STK33: variants seen among roughly 807,000 people sequenced by gnomAD.
STK33 encodes the protein serine/threonine-protein kinase 33.
In STK33, 52 loss-of-function variants were observed where a neutral mutation model predicts 58.0. The observed-to-expected ratio is 0.90, with a 90% CI of 0.72 to 1.13. The LOEUF is 1.13. STK33 is among the 50% of genes most tolerant of loss of function. The probability of loss-of-function intolerance (pLI) is 0.00; values close to 1 mark genes in which losing one functional copy is unlikely to be tolerated. For missense variants in STK33, 630 were observed against 604.2 expected (o/e 1.04, Z -0.45); for synonymous variants, 215 against 200.1 (o/e 1.07, Z -0.63).
At chr11:8,553,015 G>A (rs111836942) in intron 1 of STK33, among the ~76,000 whole-genome samples, 5,641 of 150,576 alleles carry the variant, frequency 0.037, 189 homozygotes, top group Admixed American at 0.069. Context: ...AAATTAGCCA[G>A]GCATGTGGCA....
At chr11:8,366,745 T>C in the STK33 span, among the ~76,000 whole-genome samples, 2 of 152,246 alleles carry the variant, frequency 1.3e-5, no homozygotes, top group Non-Finnish European at 2.9e-5. Flanking sequence ...GGGGTGGCCA[T>C]ACATCTGCCA....
intron 1 of STK33, among the ~76,000 whole-genome samples, chr11:8,502,236 T>C (rs10840064): frequency 0.059 from 8,972 of 152,204 alleles, 483 homozygotes; most frequent in African/African-American, 0.15. Context: ...AACTTCAAAC[T>C]ATACTACGGG....
intron 14 of STK33, among the ~76,000 whole-genome samples, chr11:8,415,306 T>C (rs1008989307): frequency 1.3e-5 from 2 of 152,140 alleles, no homozygotes; most frequent in African/African-American, 2.4e-5. Flanking sequence ...TGGTCACTAA[T>C]GCTACTCGCC....
intron 6 of STK33, among the ~76,000 whole-genome samples, chr11:8,467,832 C>A (rs902009312): frequency 2.6e-5 from 4 of 152,060 alleles, no homozygotes; most frequent in African/African-American, 9.7e-5. Flanking sequence ...ATAATCCCAG[C>A]TACTTGGGAG....
intron 15 of STK33, among the ~76,000 whole-genome samples, chr11:8,398,337 C>A (rs1260590176): frequency 6.6e-6 from 1 of 152,114 alleles, no homozygotes; most frequent in Non-Finnish European, 1.5e-5. Flanking sequence ...ATTTTCAACC[C>A]ACAATTTCAT....
At chr11:8,444,249 T>G (rs2136534231) in intron 11 of STK33, among the ~76,000 whole-genome samples, 1 of 152,276 alleles carries the variant, frequency 6.6e-6, no homozygotes, top group African/African-American at 2.4e-5. Flanking sequence ...TGCTAGACAC[T>G]GCTAAGCACT....
intron 1 of STK33, among the ~76,000 whole-genome samples, chr11:8,497,928 C>T (rs1401304413): frequency 6.6e-6 from 1 of 152,002 alleles, no homozygotes; most frequent in Non-Finnish European, 1.5e-5. Flanking sequence ...TTTTGTAGAC[C>T]AATTTCCCTT....
At position 8,591,691 on chromosome 11, in the gene STK33, T is replaced by G. The variant is rs372318022; in HGVS notation, c.-466+2392A>C. Among the ~76,000 whole-genome samples, 43 of 152,206 alleles carry G rather than the reference T, an allele frequency of 2.8e-4. No individual in the cohort carries two copies. The South Asian group carries it at 7.3e-3, about 26-fold the overall frequency. On this transcript the variant is annotated intron_variant, in intron 1 of 15. Coordinates refer to ENST00000687296, the MANE Select transcript of STK33 (RefSeq NM_001352389.2). ...TTTGAAAATTACCTTTGTAGGGACA[T>G]GGATGAAACTGGAAACCATCATTCT...
At chr11:8,493,812 TA>T (rs1950833652) in intron 1 of STK33, among the ~76,000 whole-genome samples, 1 of 152,178 alleles carries the variant, frequency 6.6e-6, no homozygotes, top group South Asian at 2.1e-4. Flanking sequence ...TCACTATATG[TA>T]ATCCATCACA....
intron 1 of STK33, among the ~76,000 whole-genome samples, chr11:8,484,468 C>G (rs115896224): frequency 3.9e-5 from 6 of 152,114 alleles, no homozygotes; most frequent in Admixed American, 2.6e-4. Context: ...TACAACCCTA[C>G]GGGAGCTTGC....
chr11:8,419,028 C>G (rs896557698), intron 14 of STK33, among the ~76,000 whole-genome samples: 1 of 151,984 alleles, frequency 6.6e-6, no homozygotes, highest in African/African-American at 2.4e-5. Flanking sequence ...TATTTTCTCC[C>G]ATTCTGTGGG....
chr11:8,452,194 C>T (rs953407712), intron 11 of STK33, among the ~76,000 whole-genome samples: 2 of 151,668 alleles, frequency 1.3e-5, no homozygotes, highest in Non-Finnish European at 2.9e-5. Context: ...CAGAGCAAGA[C>T]TCCGTTTCGA....
At position 8,421,539 on chromosome 11, in the gene STK33, G is replaced by A. The variant is rs141319334; in HGVS notation, c.1147-7847C>T. ...CATAGCTTTATAAGTCTTAATATCCGGTAGAGCAAGACATTCAGAAATTTC... is the reference window on the plus strand; with the variant it reads ...CATAGCTTTATAAGTCTTAATATCCAGTAGAGCAAGACATTCAGAAATTTC... On this transcript the variant is annotated intron_variant, in intron 14 of 15. Transcript: ENST00000687296. Among the ~76,000 whole-genome samples the A allele has an allele frequency of 4.2e-3, 637 of 152,156 alleles. 13 individuals carry two copies. The highest frequency in any genetic ancestry group is 0.033 in the Admixed American group (505 of 15,268).
intron 1 of STK33, among the ~76,000 whole-genome samples, chr11:8,587,987 C>G (rs143480577): frequency 1.3e-4 from 20 of 152,224 alleles, no homozygotes; most frequent in African/African-American, 4.8e-4. Context: ...CTGAGAAGTC[C>G]AAGACCAGGA....
At position 8,464,759 on chromosome 11, in the gene STK33, C is replaced by A. The variant is rs1275160813; in HGVS notation, c.403G>T (p.Asp135Tyr). Residue 135 changes from aspartate (D) to tyrosine (Y), a missense_variant, in exon 7 of 16, where the codon GAC becomes TAC. By Grantham distance (160) the Asp-to-Tyr change is radical. Transcript: ENST00000687296. ...GSFGIVIEAT[D>Y]KETETKWAIK... ...GCCCACTTCGTTTCTGTTTCCTTGT[C>A]TGTCGCTTCAATGACTATTCCAAAG... The A allele has an allele frequency of 1.2e-6, 2 of 1,613,396 alleles. No individual in the cohort carries two copies. Among genetic ancestry groups the A allele is most frequent in the Admixed American group, 3.3e-5 (2 of 59,924 alleles).
chr11:8,383,664 G>A, the STK33 span, among the ~76,000 whole-genome samples: 16 of 152,312 alleles, frequency 1.1e-4, no homozygotes, highest in Admixed American at 2.0e-4. Context: ...TTAATCAAGC[G>A]ATAAGGAGAT....
At chr11:8,534,566 C>CTG (rs1248207752) in intron 1 of STK33, among the ~76,000 whole-genome samples, 1,757 of 106,358 alleles carry the variant, frequency 0.017, 19 homozygotes, top group Middle Eastern at 0.023. Context: ...CTCTCTCTCT[C>CTG]TCTGTGTGTG....
At chr11:8,523,724 C>T (rs1307423502) in intron 1 of STK33, among the ~76,000 whole-genome samples, 2 of 148,384 alleles carry the variant, frequency 1.3e-5, no homozygotes, top group South Asian at 4.3e-4. Context: ...GCCCAGCCAC[C>T]GCCCCGTCTG....
In STK33 at chr11:8,492,857, T is replaced by C. The variant is rs185619832; in HGVS notation, c.-465-12243A>G. Among the ~76,000 whole-genome samples, 9 of 152,148 alleles carry C rather than the reference T, an allele frequency of 5.9e-5. No individual in the cohort carries two copies. The East Asian group carries it at 1.7e-3, about 29-fold the overall frequency. On this transcript the variant is annotated intron_variant, in intron 1 of 15. Transcript: ENST00000687296. ...TACTTCTGAATGACTACTGGGTAAA[T>C]AACGAAATGAAGGCAGAAATAAAGA...
Sources: allele counts gnomAD v4.1 joint callset (sites outside exome capture counted in the v4.1 genomes callset), GRCh38; gene constraint gnomAD v4.1.1; transcripts MANE v1.5; gene names NCBI Gene and HGNC (gene_info 2026-07-23, HGNC 2026-07-21).